TM4SF19: variants seen among roughly 807,000 people sequenced by gnomAD.
TM4SF19 encodes transmembrane 4 L6 family member 19.
In TM4SF19, 17 loss-of-function variants were observed where a neutral mutation model predicts 21.8. The observed-to-expected ratio is 0.78, with a 90% CI of 0.53 to 1.17. The LOEUF is 1.17. Among genes scored for constraint, TM4SF19 ranks in the 50% most tolerant of loss-of-function variants. The pLI is 0.00. For synonymous variants in TM4SF19, 107 were observed against 106.7 expected, an observed-to-expected ratio of 1.00 and a Z score of -0.02; for missense variants, 216 against 252.1, an observed-to-expected ratio of 0.86 and a Z score of 0.97.
At chr3:196,337,278 A>C (rs1441983762) in intron 1 of TM4SF19, among the ~76,000 whole-genome samples, 1 of 151,922 alleles carries the variant, frequency 6.6e-6, no homozygotes, top group Non-Finnish European at 1.5e-5. Context: ...GGCTGGCCAA[A>C]AAGTAATTCT....
chr3:196,328,366 A>T (rs1310478661), intron 1 of TM4SF19, among the ~76,000 whole-genome samples: 3 of 152,204 alleles, frequency 2.0e-5, no homozygotes, highest in African/African-American at 7.2e-5. Context: ...AGAAAATCCT[A>T]AAGTTTATTA....
At chr3:196,338,060 G>A (rs1488433126) in intron 1 of TM4SF19, among the ~76,000 whole-genome samples, 3 of 152,222 alleles carry the variant, frequency 2.0e-5, no homozygotes. Context: ...CTTGATGGAC[G>A]ATGAGATACT....
At chr3:196,333,412 C>T (rs149243247) in intron 1 of TM4SF19, among the ~76,000 whole-genome samples, 1 of 152,144 alleles carries the variant, frequency 6.6e-6, no homozygotes, top group Admixed American at 6.6e-5. Context: ...TAAAATAGAA[C>T]AGTTATAACA....
chr3:196,332,809 A>G (rs1303819364), intron 1 of TM4SF19, among the ~76,000 whole-genome samples: 1 of 151,706 alleles, frequency 6.6e-6, no homozygotes, highest in African/African-American at 2.4e-5. Context: ...TGCTGGCAAC[A>G]CAGTAGACTG....
intron 1 of TM4SF19, among the ~76,000 whole-genome samples, chr3:196,336,390 G>A (rs140995610): frequency 2.3e-3 from 344 of 152,250 alleles, no homozygotes; most frequent in African/African-American, 7.6e-3. Flanking sequence ...CACCTACCTT[G>A]GCCTCCTAAA....
intron 1 of TM4SF19, among the ~76,000 whole-genome samples, chr3:196,331,275 TA>T (rs201896965): frequency 1.9e-4 from 27 of 142,370 alleles, no homozygotes; most frequent in African/African-American, 4.9e-4. Flanking sequence ...AAGCTCTATC[TA>T]AAAAAAAAAT....
chr3:196,325,791 A>G lies in TM4SF19; in HGVS notation c.279+1164T>C, dbSNP rs1314989783. ...ACCTGAGAACCTGTTAGAAATGCAA[A>G]ACTTCCCCGCCATCCTGAATCAGAA... On this transcript the variant is annotated intron_variant, in intron 3 of 4. Transcript: ENST00000273695. The surrounding 1 kb of genome is among the most constrained non-coding windows in gnomAD (Gnocchi z 4.3). 6.6e-6 allele frequency among the ~76,000 whole-genome samples: 1 copy of G among 152,030 alleles called. No homozygotes were observed. Among genetic ancestry groups the G allele is most frequent in the African/African-American group, 2.4e-5 (1 of 41,396 alleles).
At chr3:196,332,506 A>AAAAT (rs1553845750) in intron 1 of TM4SF19, among the ~76,000 whole-genome samples, 2 of 149,766 alleles carry the variant, frequency 1.3e-5, no homozygotes, top group Non-Finnish European at 3.0e-5. Context: ...GAAGAAAAAA[A>AAAAT]ATATATATAT....
chr3:196,324,087 A>G (rs1359043314), intron 4 of TM4SF19, 90 bp from the exon 5 acceptor site: 7 of 1,523,208 alleles, frequency 4.6e-6, no homozygotes, highest in Non-Finnish European at 5.4e-6. Context: ...GTCTCCCCTG[A>G]CCGGGTCATG....
chr3:196,326,940 G>C lies in TM4SF19; in HGVS notation c.279+15C>G, dbSNP rs766945033. On this transcript the variant is annotated intron_variant, in intron 3 of 4. Coordinates refer to ENST00000273695, the MANE Select transcript of TM4SF19 (RefSeq NM_138461.4). ...AGACATTCTGGGTGTTAGAAGAGTG[G>C]AATCTGGTGCTTACGCTTCGACAGA... 1 of 1,599,476 alleles carries C rather than the reference G, an allele frequency of 6.3e-7. No homozygotes were observed. Among genetic ancestry groups the C allele is most frequent in the Non-Finnish European group, 8.6e-7 (1 of 1,167,780 alleles).
Position 196,324,510 on chromosome 3 carries a change from C to T in TM4SF19, c.280-70G>A, listed in dbSNP as rs751655901. ...GGGGAGCCTGCGGAGGGAGGAGAAACGCTGAGCTAAGACGGGGTCGCAGCT... is the reference window on the plus strand; with the variant it reads ...GGGGAGCCTGCGGAGGGAGGAGAAATGCTGAGCTAAGACGGGGTCGCAGCT... On this transcript the variant is annotated intron_variant, in intron 3 of 4. Transcript: ENST00000273695. 76 of 1,559,044 alleles carry T rather than the reference C, an allele frequency of 4.9e-5. 2 individuals are homozygous for T. The highest frequency in any genetic ancestry group is 1.8e-4 in the East Asian group (8 of 44,350).
At chr3:196,329,245 A>G (rs1473856771) in intron 1 of TM4SF19, among the ~76,000 whole-genome samples, 1 of 126,976 alleles carries the variant, frequency 7.9e-6, no homozygotes, top group Non-Finnish European at 1.7e-5. Context: ...CCCGGCCAAT[A>G]AATGATTTTT....
Position 196,326,959 on chromosome 3 carries a change from C to T in TM4SF19, c.275G>A (p.Arg92Gln), listed in dbSNP as rs564896096. 4.3e-6 allele frequency: 7 copies of T among 1,609,720 alleles called. No individual in the cohort carries two copies. The East Asian group carries it at 6.7e-5, about 15-fold the overall frequency. Residue 92 changes from arginine to glutamine, a missense_variant, in exon 3 of 5, where the codon CGA (arginine) becomes CAA (glutamine). Physicochemically the swap from Arg to Gln is conservative, Grantham distance 43. Coordinates refer to ENST00000273695, the MANE Select transcript of TM4SF19 (RefSeq NM_138461.4). ...AGAGTGGAATCTGGTGCTTACGCTT[C>T]GACAGAGCCCACTCTTACTGAAGCA... ...YGCFSKSGLC[R>Q]SVLTALLSGG...
At chr3:196,336,110 C>T (rs1560207270) in intron 1 of TM4SF19, among the ~76,000 whole-genome samples, 1 of 150,714 alleles carries the variant, frequency 6.6e-6, no homozygotes, top group South Asian at 2.1e-4. Context: ...TCAGAAAAGT[C>T]TGTTTTTTTT....
chr3:196,330,027 A>G (rs931700594), intron 1 of TM4SF19, among the ~76,000 whole-genome samples: 1 of 151,124 alleles, frequency 6.6e-6, no homozygotes, highest in Non-Finnish European at 1.5e-5. Context: ...ATGTGCCACC[A>G]CGCCTGGCTA....
At chr3:196,336,826 G>A (rs1164263605) in intron 1 of TM4SF19, among the ~76,000 whole-genome samples, 2 of 152,138 alleles carry the variant, frequency 1.3e-5, no homozygotes, top group Non-Finnish European at 2.9e-5. Context: ...AGAAGTGATC[G>A]GCTCAATTCC....
intron 2 of TM4SF19, 107 bp downstream of exon 2, chr3:196,327,283 A>T: frequency 8.9e-7 from 1 of 1,118,760 alleles, no homozygotes; most frequent in Non-Finnish European, 1.3e-6. Context: ...TCAGCTTGTT[A>T]GAATAAACTT....
chr3:196,331,979 T>C (rs912201652), intron 1 of TM4SF19, among the ~76,000 whole-genome samples: 3 of 150,004 alleles, frequency 2.0e-5, no homozygotes, highest in African/African-American at 7.3e-5. Flanking sequence ...TCAGAAAATA[T>C]GTGTATAGAG....
intron 1 of TM4SF19, 88 bp from the exon 2 acceptor site, chr3:196,327,679 C>G: frequency 8.6e-7 from 1 of 1,158,810 alleles, no homozygotes; most frequent in Admixed American, 2.0e-5. Context: ...GTGAGGGAAA[C>G]AGACTACAGA....
Sources: allele counts gnomAD v4.1 joint callset (sites outside exome capture counted in the v4.1 genomes callset), GRCh38; gene constraint gnomAD v4.1.1; non-coding constraint Gnocchi (gnomAD v3.1); transcripts MANE v1.5; gene names NCBI Gene and HGNC (gene_info 2026-07-23, HGNC 2026-07-21).